The following IFRD1 variants were observed in gnomAD, a reference collection of about 807,000 sequenced individuals.
The protein encoded by IFRD1 is interferon related developmental regulator 1.
A neutral mutation model predicts 52.9 loss-of-function variants in IFRD1; 35 were observed. The ratio of observed to expected loss-of-function variants is 0.66; its 90% CI spans 0.51 to 0.88. The LOEUF is 0.88. Ranked by LOEUF, IFRD1 falls within the 40% of genes least tolerant of loss-of-function variation. The pLI, the probability that IFRD1 is intolerant of heterozygous loss-of-function variation, is 0.00. For missense variants in IFRD1, 517 were observed against 550.8 expected, an observed-to-expected ratio of 0.94 and a Z score of 0.61; for synonymous variants, 184 against 188.4, an observed-to-expected ratio of 0.98 and a Z score of 0.19.
intron 1 of IFRD1, among the ~76,000 whole-genome samples, chr7:112,445,217 C>T (rs890773127): frequency 1.3e-5 from 2 of 152,030 alleles, no homozygotes; most frequent in East Asian, 3.9e-4. Context: ...CAGGCGCCCG[C>T]CACCACGCCC....
intron 11 of IFRD1, among the ~76,000 whole-genome samples, chr7:112,474,330 C>G (rs1219520902): frequency 2.0e-5 from 3 of 152,150 alleles, no homozygotes; most frequent in Non-Finnish European, 4.4e-5. Context: ...CCACCAAACT[C>G]TTTTCCATAG....
At chr7:112,471,114 G>A (rs1283241611) in intron 9 of IFRD1, among the ~76,000 whole-genome samples, 2 of 152,156 alleles carry the variant, frequency 1.3e-5, no homozygotes, top group Admixed American at 1.3e-4. Context: ...AATTAAAGAA[G>A]ATTGAAATAA....
At chr7:112,461,388 T>C (rs4275157) in intron 5 of IFRD1, 72,032 of 152,944 alleles carry the variant, frequency 0.47, 17,402 homozygotes, top group Non-Finnish European at 0.51. Context: ...AGCTCATATG[T>C]CTAAGCTTTC....
chr7:112,468,260 T>C, intron 9 of IFRD1, 145 bp downstream of exon 9: 2 of 833,066 alleles, frequency 2.4e-6, no homozygotes, highest in Non-Finnish European at 3.8e-6. Flanking sequence ...TTTAACAATA[T>C]AAGTGAAGAC....
At chr7:112,452,057 T>C (rs1421685120) in intron 1 of IFRD1, 1 of 981,416 alleles carries the variant, frequency 1.0e-6, no homozygotes, top group Non-Finnish European at 1.2e-6. Flanking sequence ...TGCCTCTTTA[T>C]TTTGAATGCT....
At chr7:112,472,935 C>T in intron 11 of IFRD1, 74 bp downstream of exon 11, 1 of 950,276 alleles carries the variant, frequency 1.1e-6, no homozygotes. Context: ...AGCAACTTAG[C>T]TGTGTCTACC....
intron 1 of IFRD1, among the ~76,000 whole-genome samples, chr7:112,430,322 G>A (rs1486927575): frequency 6.6e-6 from 1 of 152,182 alleles, no homozygotes; most frequent in Non-Finnish European, 1.5e-5. Context: ...TTCAGGGATG[G>A]GCATGTGTCA....
At chr7:112,427,244 C>G (rs1794447421) in intron 1 of IFRD1, among the ~76,000 whole-genome samples, 1 of 152,198 alleles carries the variant, frequency 6.6e-6, no homozygotes, top group African/African-American at 2.4e-5. Context: ...TAGGGCAGAG[C>G]CCTCATGACC....
At chr7:112,471,600 C>A (rs986768862) in intron 9 of IFRD1, among the ~76,000 whole-genome samples, 5 of 152,080 alleles carry the variant, frequency 3.3e-5, no homozygotes, top group African/African-American at 1.2e-4. Flanking sequence ...ATCCATCTGA[C>A]TTCTGTTTCT....
chr7:112,441,003 G>A (rs1794870136), intron 1 of IFRD1, among the ~76,000 whole-genome samples: 2 of 152,136 alleles, frequency 1.3e-5, no homozygotes, highest in African/African-American at 2.4e-5. Flanking sequence ...TAGGCAGGGT[G>A]GCTCACACCT....
intron 1 of IFRD1, among the ~76,000 whole-genome samples, chr7:112,440,926 A>G (rs755827607): frequency 2.6e-5 from 4 of 152,160 alleles, no homozygotes; most frequent in Non-Finnish European, 4.4e-5. Context: ...GTGTGAGTCC[A>G]GGAGTTCCAG....
upstream of IFRD1, among the ~76,000 whole-genome samples, chr7:112,449,398 ATGT>A (rs1288305344): frequency 6.6e-6 from 1 of 152,172 alleles, no homozygotes; most frequent in African/African-American, 2.4e-5. Context: ...CGTTTCAGAG[ATGT>A]TGGGTTGAGG....
At chr7:112,454,479 C>T in intron 1 of IFRD1, among the ~76,000 whole-genome samples, 1 of 152,130 alleles carries the variant, frequency 6.6e-6, no homozygotes, top group East Asian at 1.9e-4. Flanking sequence ...AAGTGTGAGC[C>T]ACCGCACCCG....
intron 1 of IFRD1, among the ~76,000 whole-genome samples, chr7:112,427,572 A>C (rs1794453947): frequency 6.6e-6 from 1 of 152,228 alleles, no homozygotes; most frequent in Non-Finnish European, 1.5e-5. Context: ...TCATTGTAGA[A>C]ACGTAACTTG....
intron 8 of IFRD1, among the ~76,000 whole-genome samples, chr7:112,466,876 A>G (rs927174637): frequency 6.6e-6 from 1 of 152,124 alleles, no homozygotes; most frequent in Non-Finnish European, 1.5e-5. Context: ...GATTCTTTGG[A>G]ATTTAAACAC....
intron 9 of IFRD1, among the ~76,000 whole-genome samples, chr7:112,468,822 T>C (rs1274099146): frequency 2.6e-5 from 4 of 152,220 alleles, no homozygotes; most frequent in Non-Finnish European, 4.4e-5. Flanking sequence ...CTAGGAAAGC[T>C]GGAGGCTAAA....
At chr7:112,473,534 C>A (rs1178683400) in intron 11 of IFRD1, among the ~76,000 whole-genome samples, 1 of 151,580 alleles carries the variant, frequency 6.6e-6, no homozygotes, top group African/African-American at 2.4e-5. Flanking sequence ...AAGTGATTAT[C>A]CTGCCTCAGC....
In IFRD1 at chr7:112,463,813, C is replaced by T. The variant is rs182263748; in HGVS notation, c.906+1435C>T. Among the ~76,000 whole-genome samples, 56 of 150,664 alleles carry T rather than the reference C, an allele frequency of 3.7e-4. 1 individual carries two copies. The East Asian group carries it at 0.011, about 29-fold the overall frequency. On this transcript the variant is annotated intron_variant, in intron 8 of 11. Transcript: ENST00000403825. ...GTATAAACATATATATAGACACATA[C>T]ATACATGTATATACATATACATATA... is the stretch of plus-strand genomic sequence containing the variant.
At chr7:112,456,768 A>G (rs766675129) in intron 3 of IFRD1, 146 bp from the exon 4 acceptor site, 7 of 730,974 alleles carry the variant, frequency 9.6e-6, no homozygotes, top group Non-Finnish European at 1.6e-5. Context: ...ATTAAATTAT[A>G]TTATTGACAA....
Sources: gnomAD v4.1 joint callset for allele counts (sites outside exome capture counted in the v4.1 genomes callset) on GRCh38, gnomAD v4.1.1 for gene constraint, MANE v1.5 for transcripts, NCBI Gene and HGNC (gene_info 2026-07-23, HGNC 2026-07-21) for gene names.